VTI1B: variants seen among roughly 807,000 people sequenced by gnomAD.
The protein encoded by VTI1B is vesicle transport through interaction with t-SNAREs 1B.
VTI1B carries 18 observed loss-of-function variants against 28.6 expected under a neutral mutation model. That is an observed-to-expected ratio of 0.63 (90% confidence interval 0.43 to 0.93). The LOEUF (loss-of-function observed/expected upper bound fraction) is 0.93, where lower values mean the gene tolerates loss of function less well. VTI1B is among the 40% of genes least tolerant of loss of function. VTI1B has a pLI of 0.00. For missense variants in VTI1B, 283 were observed against 297.0 expected (o/e 0.95, Z 0.35); for synonymous variants, 100 against 107.9 (o/e 0.93, Z 0.46).
intron 2 of VTI1B, among the ~76,000 whole-genome samples, 161 bp downstream of exon 2, chr14:67,662,315 AC>A (rs2037348089): frequency 2.0e-5 from 3 of 152,084 alleles, no homozygotes; most frequent in Non-Finnish European, 1.5e-5. Flanking sequence ...TGTTTGCCAA[AC>A]CCCCTCAACA....
In VTI1B at chr14:67,650,798, G is replaced by A. The variant is rs779826880; in HGVS notation, c.*587C>T. 2.5e-6 allele frequency: 4 copies of A among 1,614,142 alleles called. No homozygotes were observed. The South Asian group carries it at 3.3e-5, about 13-fold the overall frequency. On this transcript the variant is annotated 3_prime_UTR_variant, in exon 6 of 6. Transcript: ENST00000554659. ...AGAGGCGAAGACTACAGCTAACCTG[G>A]CAGTAGATGTGATTGCTTCAAGCTT...
rs1440307586 is a variant in VTI1B at position 67,647,879 on chromosome 14, A to G, written c.*3506T>C. 2 of 675,280 alleles carry G rather than the reference A, an allele frequency of 3.0e-6. No homozygotes were observed. Among genetic ancestry groups the G allele is most frequent in the Non-Finnish European group, 4.9e-6 (2 of 408,856 alleles). The allele number at this position is 675,280 out of a possible 1,614,324, so 41.8% of individuals were successfully genotyped here. On this transcript the variant is annotated 3_prime_UTR_variant, in exon 6 of 6. Coordinates refer to ENST00000554659, the MANE Select transcript of VTI1B (RefSeq NM_006370.3). ...GTAGGAAGTTAATATTGCCAATCTC[A>G]GTAACTTCCAAGAATAGGAAGCCTG...
intron 1 of VTI1B, among the ~76,000 whole-genome samples, chr14:67,668,204 T>A (rs2037424947): frequency 6.6e-6 from 1 of 152,136 alleles, no homozygotes; most frequent in Non-Finnish European, 1.5e-5. Context: ...AAACTAGAAA[T>A]CATGACCACA....
intron 3 of VTI1B, chr14:67,657,212 AC>A (rs1205303066): frequency 2.0e-5 from 3 of 152,124 alleles, no homozygotes; most frequent in African/African-American, 7.2e-5. Context: ...TGCCTAGATG[AC>A]TACATTCTTC....
chr14:67,672,784 C>CT (rs1221968333), intron 1 of VTI1B, among the ~76,000 whole-genome samples: 1 of 152,172 alleles, frequency 6.6e-6, no homozygotes, highest in African/African-American at 2.4e-5. Context: ...TCCCACAATG[C>CT]TTCTGCACAG....
chr14:67,673,992 C>T (rs1156798184), intron 1 of VTI1B, among the ~76,000 whole-genome samples: 2 of 152,180 alleles, frequency 1.3e-5, no homozygotes, highest in Non-Finnish European at 2.9e-5. Context: ...GCTACGGATC[C>T]TCTGTCAGTC....
chr14:67,655,300 C>G (rs2037241150), intron 4 of VTI1B, among the ~76,000 whole-genome samples: 1 of 152,112 alleles, frequency 6.6e-6, no homozygotes, highest in African/African-American at 2.4e-5. Flanking sequence ...GCACTCCAGC[C>G]TGGGTGACAG....
Position 67,674,410 on chromosome 14 carries a change from C to A in VTI1B, c.80G>T (p.Gly27Val). Residue 27 changes from glycine to valine, a missense_variant, in exon 1 of 6, where the codon GGG becomes GTG. Transcript: ENST00000554659. Reference protein sequence around the residue: ...IFRGLHEDLQGVPERLLGTAG... With the variant: ...IFRGLHEDLQVVPERLLGTAG... ...CGTCCCCAGCAGCCGCTCGGGCACCCCTTGTAGGTCTTCATGGAGGCCGCG... is the reference window on the plus strand; with the variant it reads ...CGTCCCCAGCAGCCGCTCGGGCACCACTTGTAGGTCTTCATGGAGGCCGCG... The A allele has an allele frequency of 6.2e-7, 1 of 1,607,100 alleles. No individual in the cohort carries two copies. The highest frequency in any genetic ancestry group is 8.5e-7 in the Non-Finnish European group (1 of 1,178,048).
chr14:67,665,623 C>T (rs2037393358), intron 1 of VTI1B, among the ~76,000 whole-genome samples: 2 of 152,146 alleles, frequency 1.3e-5, no homozygotes, highest in Admixed American at 1.3e-4. Context: ...ATTCTATAAT[C>T]TCAACTTGAG....
At chr14:67,670,051 T>C (rs1253572955) in intron 1 of VTI1B, among the ~76,000 whole-genome samples, 1 of 152,142 alleles carries the variant, frequency 6.6e-6, no homozygotes, top group Non-Finnish European at 1.5e-5. Context: ...GCAGTGATGG[T>C]GCCACTGCAC....
rs754618595 is a variant in VTI1B, at chr14:67,650,913, G to T, written c.*472C>A. ...GAATCAGAAAATCAAGCACGTGTGA[G>T]AATTTAGGAGACACTGTGCACTGAC... On this transcript the variant is annotated 3_prime_UTR_variant, in exon 6 of 6. Transcript: ENST00000554659. The T allele has an allele frequency of 1.9e-6, 3 of 1,613,846 alleles. No individual in the cohort carries two copies. The South Asian group carries it at 3.3e-5, about 18-fold the overall frequency.
intron 1 of VTI1B, among the ~76,000 whole-genome samples, chr14:67,673,984 T>C (rs1252500887): frequency 1.3e-5 from 2 of 152,246 alleles, no homozygotes; most frequent in African/African-American, 2.4e-5. Context: ...TTTTCTGTGC[T>C]ACGGATCCTC....
In VTI1B at chr14:67,650,751, C is replaced by T. The variant is rs764112987; in HGVS notation, c.*634G>A. The T allele has an allele frequency of 3.7e-6, 6 of 1,614,084 alleles. No homozygotes were observed. The highest frequency in any genetic ancestry group is 4.2e-6 in the Non-Finnish European group (5 of 1,180,012). On this transcript the variant is annotated 3_prime_UTR_variant, in exon 6 of 6. Coordinates refer to ENST00000554659, the MANE Select transcript of VTI1B (RefSeq NM_006370.3). ...GCACTGGATCTTGTTGAAGTCAATCCTCAGTTGGCCACCTCAGAGGAAGAG... is the reference window on the plus strand; with the variant it reads ...GCACTGGATCTTGTTGAAGTCAATCTTCAGTTGGCCACCTCAGAGGAAGAG...
At chr14:67,656,996 C>G (rs1209540036) in intron 3 of VTI1B, 1 of 154,232 alleles carries the variant, frequency 6.5e-6, no homozygotes, top group East Asian at 1.9e-4. Context: ...TATGGGCAAA[C>G]CAACTAAACT....
At chr14:67,651,601 G>T in intron 5 of VTI1B, 120 bp from the exon 6 acceptor site, 2 of 1,115,316 alleles carry the variant, frequency 1.8e-6, no homozygotes, top group Non-Finnish European at 2.5e-6. Flanking sequence ...TGATCACACA[G>T]CCACTTAGCA....
At chr14:67,668,511 G>T (rs2037428949) in intron 1 of VTI1B, among the ~76,000 whole-genome samples, 1 of 152,188 alleles carries the variant, frequency 6.6e-6, no homozygotes, top group Admixed American at 6.5e-5. Context: ...CATTTTTAAA[G>T]TAATGAAAAT....
chr14:67,665,852 T>C (rs1266505059), intron 1 of VTI1B, among the ~76,000 whole-genome samples: 1 of 152,092 alleles, frequency 6.6e-6, no homozygotes, highest in Non-Finnish European at 1.5e-5. Context: ...TGGCTGTTTG[T>C]TGTTTAAAAA....
intron 3 of VTI1B, among the ~76,000 whole-genome samples, chr14:67,657,617 C>CAT (rs1555383604): frequency 1.5e-4 from 23 of 151,344 alleles, no homozygotes; most frequent in Middle Eastern, 3.4e-3. Flanking sequence ...CACACACACA[C>CAT]ACACACCCAA....
Position 67,653,464 on chromosome 14 carries a change from C to T in VTI1B, c.575G>A (p.Arg192Gln), listed in dbSNP as rs201092571. ...TCTGGACATTGAACGGAGAATCTTC[C>T]GACTTTTGCTCAAGTTTTCACTTGT... ...VNTSENLSKSRKILRSMSRKV... is the reference protein window; with the variant it reads ...VNTSENLSKSQKILRSMSRKV... The change falls in exon 5 of 6, where the codon CGG becomes CAG. Residue 192 changes from arginine to glutamine, a missense_variant. Transcript: ENST00000554659. The T allele has an allele frequency of 2.5e-5, 40 of 1,613,782 alleles. No individual in the cohort carries two copies. The Middle Eastern group carries it at 4.9e-4, about 20-fold the overall frequency.
Sources: allele counts gnomAD v4.1 joint callset (sites outside exome capture counted in the v4.1 genomes callset), GRCh38; gene constraint gnomAD v4.1.1; transcripts MANE v1.5; gene names NCBI Gene and HGNC (gene_info 2026-07-23, HGNC 2026-07-21).